ARID1B: variants seen among roughly 807,000 people sequenced by gnomAD.
ARID1B encodes the protein AT-rich interactive domain-containing protein 1B.
In ARID1B, 30 loss-of-function variants were observed where a neutral mutation model predicts 212.3. That is an observed-to-expected ratio of 0.14 (90% CI 0.11 to 0.19). ARID1B has a LOEUF of 0.19. ARID1B is among the 10% of genes least tolerant of loss of function. The pLI, the probability that ARID1B is intolerant of heterozygous loss-of-function variation, is 1.00. For missense variants in ARID1B, 2,891 were observed against 3,204.0 expected, an observed-to-expected ratio of 0.90 and a Z score of 2.36; for synonymous variants, 1,402 against 1,301.7, an observed-to-expected ratio of 1.08 and a Z score of -1.66.
intron 4 of ARID1B, among the ~76,000 whole-genome samples, chr6:157,083,523 GTTT>G (rs1784765587): frequency 6.6e-6 from 1 of 152,132 alleles, no homozygotes; most frequent in African/African-American, 2.4e-5. Flanking sequence ...GCAGAAGACA[GTTT>G]CTTCTTCCTC....
intron 2 of ARID1B, among the ~76,000 whole-genome samples, chr6:156,888,885 CTG>C (rs1437421948): frequency 6.6e-6 from 1 of 152,192 alleles, no homozygotes; most frequent in African/African-American, 2.4e-5. Context: ...TTAAAAATGA[CTG>C]TATATTTGGT....
chr6:156,908,321 A>G (rs1053520596), intron 3 of ARID1B, among the ~76,000 whole-genome samples: 7 of 152,310 alleles, frequency 4.6e-5, no homozygotes, highest in African/African-American at 1.4e-4. Context: ...CATTTCATAT[A>G]ATTTTTCAAC....
At chr6:156,921,946 C>T (rs2128241273) in intron 3 of ARID1B, among the ~76,000 whole-genome samples, 1 of 152,184 alleles carries the variant, frequency 6.6e-6, no homozygotes, top group East Asian at 1.9e-4. Context: ...GATTAACCCC[C>T]TCAGCAGTTT....
chr6:156,929,338 A>G (rs902877314), intron 3 of ARID1B, among the ~76,000 whole-genome samples: 2 of 152,206 alleles, frequency 1.3e-5, no homozygotes, highest in African/African-American at 4.8e-5. Flanking sequence ...CTACACACAG[A>G]AAGTGGAGGG....
intron 4 of ARID1B, among the ~76,000 whole-genome samples, chr6:157,082,962 A>G (rs1784731216): frequency 6.6e-6 from 1 of 152,200 alleles, no homozygotes; most frequent in Non-Finnish European, 1.5e-5. Flanking sequence ...GAAGTTAATT[A>G]TATGCTATAA....
rs1554234330 is a variant in ARID1B at position 157,196,197 on chromosome 6, G to C, written c.4264G>C (p.Gly1422Arg). 3 of 1,613,384 alleles carry C rather than the reference G, an allele frequency of 1.9e-6. No individual in the cohort carries two copies. In the South Asian group the frequency reaches 3.3e-5, roughly 18 times the overall value. Residue 1422 changes from glycine (G) to arginine (R), a missense_variant, in exon 16 of 20, where the codon GGA (glycine) becomes CGA (arginine). Physicochemically the swap from Gly to Arg is moderately radical, Grantham distance 125 (BLOSUM62 -2). Transcript: ENST00000636930. ...PGSSEPFMTQ[G>R]QMPNSSMQDM... ...AAGCAGCGAGCCCTTTATGACGCAA[G>C]GACAGATGCCCAACAGCAGCATGCA...
intron 1 of ARID1B, among the ~76,000 whole-genome samples, chr6:156,799,026 A>T (rs1398693475): frequency 6.6e-5 from 10 of 152,172 alleles, no homozygotes; most frequent in Admixed American, 1.3e-4. Context: ...ATATATTTAT[A>T]AAAAAACCAC....
chr6:157,032,062 G>T (rs1781047386), intron 4 of ARID1B, among the ~76,000 whole-genome samples: 1 of 152,198 alleles, frequency 6.6e-6, no homozygotes, highest in East Asian at 1.9e-4. Flanking sequence ...CTGCCAAAGT[G>T]CCGGGATTAC....
Position 156,778,680 on chromosome 6 carries a change from T to G in ARID1B, c.1000T>G (p.Cys334Gly), listed in dbSNP as rs1276300860. 34 of 1,500,808 alleles carry G rather than the reference T, an allele frequency of 2.3e-5. No homozygotes were observed. The highest frequency in any genetic ancestry group is 3.0e-5 in the Non-Finnish European group (34 of 1,122,790). The allele number at this position is 1,500,808 out of a possible 1,614,324, so 93.0% of individuals were successfully genotyped here. A position where few individuals can be genotyped will look rare whatever the true frequency, so the allele number is the denominator to read the frequency against. Residue 334 changes from cysteine (C) to glycine (G), a missense_variant, in exon 1 of 20, where the codon TGC (cysteine) becomes GGC (glycine). By Grantham distance (159) the Cys-to-Gly change is radical. This residue lies in a region of ARID1B where 1,643 missense variants were observed against 1,544.0 expected (regional missense o/e 1.06). Transcript: ENST00000636930. ...CGGCCCCGGCGGCCGCGCTGGGCCT[T>G]GCTTTGATCAACATGGCGGACAACA... Reference protein sequence around the residue: ...SGGPGGRAGPCFDQHGGQQSP... With the variant: ...SGGPGGRAGPGFDQHGGQQSP...
intron 4 of ARID1B, chr6:156,977,054 C>G (rs1274213464): frequency 2.5e-6 from 1 of 404,378 alleles, no homozygotes; most frequent in South Asian, 2.1e-5. Flanking sequence ...CAGGGAAAAT[C>G]CTGGAATTCT....
At chr6:156,890,460 A>AT (rs1241030296) in intron 2 of ARID1B, among the ~76,000 whole-genome samples, 25 of 152,112 alleles carry the variant, frequency 1.6e-4, no homozygotes, top group African/African-American at 3.1e-4. Flanking sequence ...TTATCCTATG[A>AT]TTTTTTTTAA....
At chr6:156,787,315 C>T (rs1296089506) in intron 1 of ARID1B, among the ~76,000 whole-genome samples, 2 of 152,126 alleles carry the variant, frequency 1.3e-5, no homozygotes, top group Non-Finnish European at 2.9e-5. Flanking sequence ...GGAGTAAATT[C>T]AGCTACTGCT....
intron 5 of ARID1B, among the ~76,000 whole-genome samples, chr6:157,097,618 T>G (rs1230121478): frequency 6.6e-6 from 1 of 152,122 alleles, no homozygotes; most frequent in Non-Finnish European, 1.5e-5. Flanking sequence ...GAATGAGAAA[T>G]TTGTGACAAG....
chr6:157,041,027 T>C (rs1399527944), intron 4 of ARID1B, among the ~76,000 whole-genome samples: 1 of 152,194 alleles, frequency 6.6e-6, no homozygotes, highest in Admixed American at 6.5e-5. Context: ...TTGAGGTGAA[T>C]AGAAGAGGTG....
chr6:156,993,443 T>C (rs1413772982), intron 4 of ARID1B, among the ~76,000 whole-genome samples: 2 of 152,228 alleles, frequency 1.3e-5, no homozygotes, highest in Admixed American at 6.5e-5. Context: ...TAGCTCAGTA[T>C]GGTGATTCTG....
intron 4 of ARID1B, among the ~76,000 whole-genome samples, chr6:157,064,360 A>G (rs1783540583): frequency 6.6e-6 from 1 of 152,186 alleles, no homozygotes; most frequent in Non-Finnish European, 1.5e-5. Flanking sequence ...CTTTCTCCAG[A>G]ACGCATGTTT....
At chr6:156,800,520 T>C (rs1441628292) in intron 1 of ARID1B, among the ~76,000 whole-genome samples, 1 of 151,822 alleles carries the variant, frequency 6.6e-6, no homozygotes, top group African/African-American at 2.4e-5. Flanking sequence ...ACCCTGGAGG[T>C]GAAGGTTGCA....
chr6:156,781,327 T>C, intron 1 of ARID1B, among the ~76,000 whole-genome samples: 1 of 152,258 alleles, frequency 6.6e-6, no homozygotes, highest in Non-Finnish European at 1.5e-5. Context: ...ATTTGAGCCT[T>C]GTTTGAACTG....
At chr6:156,784,480 T>C (rs1379476005) in intron 1 of ARID1B, among the ~76,000 whole-genome samples, 2 of 152,230 alleles carry the variant, frequency 1.3e-5, no homozygotes, top group South Asian at 2.1e-4. Flanking sequence ...TGGTGTACTT[T>C]AGCAACTTTT....
Sources: allele counts gnomAD v4.1 joint callset (sites outside exome capture counted in the v4.1 genomes callset), GRCh38; gene constraint gnomAD v4.1.1; regional missense constraint gnomAD v4.1.1; transcripts MANE v1.5; gene names NCBI Gene and HGNC (gene_info 2026-07-23, HGNC 2026-07-21).